The following MAF variants were observed in gnomAD, a reference collection of about 807,000 sequenced individuals.
MAF encodes transcription factor Maf.
A neutral mutation model predicts 22.0 loss-of-function variants in MAF; 10 were observed. That is an observed-to-expected ratio of 0.45 (90% CI 0.28 to 0.77). The LOEUF is 0.77. Among genes scored for constraint, MAF ranks in the 30% least tolerant of loss-of-function variants. MAF has a pLI of 0.12. For synonymous variants in MAF, 337 were observed against 255.8 expected, an observed-to-expected ratio of 1.32 and a Z score of -3.03; for missense variants, 544 against 548.4, an observed-to-expected ratio of 0.99 and a Z score of 0.08.
chr16:79,370,086 G>C, the MAF span, among the ~76,000 whole-genome samples: 1 of 152,172 alleles, frequency 6.6e-6, no homozygotes, highest in African/African-American at 2.4e-5. Flanking sequence ...GTCAACCTGA[G>C]TAGGCAAAGG....
At chr16:79,321,257 G>C in the MAF span, among the ~76,000 whole-genome samples, 1 of 152,172 alleles carries the variant, frequency 6.6e-6, no homozygotes, top group African/African-American at 2.4e-5. Context: ...CACACCTCAA[G>C]GTAGGGGAAT....
At chr16:79,220,219 G>A in the MAF span, among the ~76,000 whole-genome samples, 1 of 131,390 alleles carries the variant, frequency 7.6e-6, no homozygotes, top group South Asian at 2.4e-4. Context: ...TGGTGCCAAT[G>A]CACTCCAGCC....
At chr16:79,219,548 CAAAAAAAA>C in the MAF span, among the ~76,000 whole-genome samples, 2 of 64,730 alleles carry the variant, frequency 3.1e-5, no homozygotes, top group Admixed American at 2.0e-4. Context: ...GACTCTGCCT[CAAAAAAAA>C]AAAAAAAAAA....
At chr16:79,462,285 AT>A in the MAF span, among the ~76,000 whole-genome samples, 1 of 152,160 alleles carries the variant, frequency 6.6e-6, no homozygotes, top group Non-Finnish European at 1.5e-5. Flanking sequence ...TATTACTCCC[AT>A]TTTTAGGTGA....
the MAF span, among the ~76,000 whole-genome samples, chr16:79,336,724 CT>C: frequency 6.6e-6 from 1 of 152,112 alleles, no homozygotes. Flanking sequence ...AGTTTCATGA[CT>C]TTTTACTTGG....
At chr16:79,541,003 T>A in the MAF span, among the ~76,000 whole-genome samples, 1 of 151,820 alleles carries the variant, frequency 6.6e-6, no homozygotes, top group Admixed American at 6.6e-5. Context: ...CAACTGCTAT[T>A]TTTAGCACTA....
At chr16:79,353,779 G>T in the MAF span, among the ~76,000 whole-genome samples, 3 of 152,152 alleles carry the variant, frequency 2.0e-5, no homozygotes, top group South Asian at 6.2e-4. Flanking sequence ...TTTAGACGAT[G>T]GTCCTCACTC....
chr16:79,455,812 G>C, the MAF span, among the ~76,000 whole-genome samples: 4 of 152,184 alleles, frequency 2.6e-5, no homozygotes, highest in African/African-American at 4.8e-5. Context: ...GAGGTCAGGA[G>C]GTTGAGACCA....
At chr16:79,545,291 G>A in the MAF span, among the ~76,000 whole-genome samples, 1 of 152,162 alleles carries the variant, frequency 6.6e-6, no homozygotes, top group East Asian at 1.9e-4. Flanking sequence ...CATACACAGT[G>A]TCTGTGTACT....
chr16:79,436,703 C>T, the MAF span, among the ~76,000 whole-genome samples: 4 of 152,320 alleles, frequency 2.6e-5, no homozygotes, highest in African/African-American at 4.8e-5. Context: ...TAACCTTTCC[C>T]TTCCCACATG....
At chr16:79,591,850 C>T (rs55769103), downstream of MAF, among the ~76,000 whole-genome samples, 27 of 152,318 alleles carry the variant, frequency 1.8e-4, no homozygotes, top group Non-Finnish European at 3.4e-4. Context: ...CATTATGAAT[C>T]ACAGACTGAT....
the MAF span, among the ~76,000 whole-genome samples, chr16:79,249,442 G>C: frequency 6.7e-6 from 1 of 149,568 alleles, no homozygotes; most frequent in East Asian, 2.0e-4. Context: ...AAAAAAGGAG[G>C]TTGAAGGATG....
chr16:79,353,657 T>C, the MAF span, among the ~76,000 whole-genome samples: 2 of 152,144 alleles, frequency 1.3e-5, no homozygotes, highest in South Asian at 2.1e-4. Context: ...CCCTGTAAGG[T>C]GGGCTGCTAT....
chr16:79,568,120 G>A, the MAF span, among the ~76,000 whole-genome samples: 1 of 152,184 alleles, frequency 6.6e-6, no homozygotes, highest in Non-Finnish European at 1.5e-5. Context: ...TGGGGGAAGA[G>A]GGAGTCTGTT....
chr16:79,328,522 C>G, the MAF span, among the ~76,000 whole-genome samples: 1 of 152,190 alleles, frequency 6.6e-6, no homozygotes, highest in Non-Finnish European at 1.5e-5. Flanking sequence ...TTCTGATTGG[C>G]TGCCAGTTTC....
chr16:79,297,012 C>T, the MAF span, among the ~76,000 whole-genome samples: 2 of 152,324 alleles, frequency 1.3e-5, no homozygotes, highest in African/African-American at 4.8e-5. Flanking sequence ...TGCACGGTGT[C>T]TTTGCTGCTC....
chr16:79,301,365 A>C, the MAF span, among the ~76,000 whole-genome samples: 2 of 151,992 alleles, frequency 1.3e-5, no homozygotes, highest in Non-Finnish European at 2.9e-5. Flanking sequence ...GCCTCCATGC[A>C]TGAACCGGAA....
chr16:79,334,912 T>A, the MAF span, among the ~76,000 whole-genome samples: 1 of 151,140 alleles, frequency 6.6e-6, no homozygotes. Flanking sequence ...AGAGGCTGGG[T>A]GCAGTGGCTC....
At chr16:79,305,649 G>T in the MAF span, among the ~76,000 whole-genome samples, 1 of 152,278 alleles carries the variant, frequency 6.6e-6, no homozygotes, top group South Asian at 2.1e-4. Context: ...TACAATTTGG[G>T]GGTCTGTGGA....
Sources: gnomAD v4.1 joint callset for allele counts (sites outside exome capture counted in the v4.1 genomes callset) on GRCh38, gnomAD v4.1.1 for gene constraint, MANE v1.5 for transcripts, NCBI Gene and HGNC (gene_info 2026-07-23, HGNC 2026-07-21) for gene names.